The following SLC41A2 variants were observed in gnomAD, a reference collection of about 807,000 sequenced individuals.
The protein encoded by SLC41A2 is solute carrier family 41 member 2.
In SLC41A2, 32 loss-of-function variants were observed where a neutral mutation model predicts 58.3. The ratio of observed to expected loss-of-function variants is 0.55; its 90% CI spans 0.41 to 0.74. The LOEUF (loss-of-function observed/expected upper bound fraction) is 0.74, where lower values mean the gene tolerates loss of function less well. SLC41A2 is among the 30% of genes least tolerant of loss of function. The pLI, the probability that SLC41A2 is intolerant of heterozygous loss-of-function variation, is 0.00. For missense variants in SLC41A2, 514 were observed against 680.6 expected (o/e 0.76, Z 2.72); for synonymous variants, 190 against 235.0 (o/e 0.81, Z 1.75).
intron 8 of SLC41A2, among the ~76,000 whole-genome samples, chr12:104,855,547 G>C (rs1425466849): frequency 3.3e-5 from 5 of 152,084 alleles, no homozygotes; most frequent in Admixed American, 1.3e-4. Flanking sequence ...GCTCTTCTGG[G>C]ACATGTAATT....
At position 104,876,987 on chromosome 12, in the gene SLC41A2, C is replaced by T. The variant is rs76034568; in HGVS notation, c.1027+9306G>A. ...CTGATATTATGTGCATATATATTTA[C>T]AATTGTTATATCTTCTTGATGAATT... On this transcript the variant is annotated intron_variant, in intron 6 of 10. Coordinates refer to ENST00000258538, the MANE Select transcript of SLC41A2 (RefSeq NM_001352171.3). Among the ~76,000 whole-genome samples, 1,080 of 152,178 alleles carry T rather than the reference C, an allele frequency of 7.1e-3. 19 individuals are homozygous for T. The highest frequency in any genetic ancestry group is 0.023 in the African/African-American group (974 of 41,524).
intron 1 of SLC41A2, among the ~76,000 whole-genome samples, chr12:104,940,560 T>C (rs1456990008): frequency 6.8e-6 from 1 of 147,824 alleles, no homozygotes; most frequent in Admixed American, 6.7e-5. Flanking sequence ...ACCTCTAAAA[T>C]GGAATGAAAG....
intron 2 of SLC41A2, among the ~76,000 whole-genome samples, chr12:104,922,553 G>C (rs796552901): frequency 3.9e-5 from 6 of 152,220 alleles, no homozygotes; most frequent in African/African-American, 1.4e-4. Flanking sequence ...TAAAGAGAGA[G>C]AGATAGACTA....
At chr12:104,954,161 G>A (rs1392780642) in intron 1 of SLC41A2, among the ~76,000 whole-genome samples, 2 of 151,940 alleles carry the variant, frequency 1.3e-5, no homozygotes, top group African/African-American at 4.8e-5. Context: ...AATGTTCCAC[G>A]ATCTCATAAT....
chr12:104,849,828 TAGTA>T (rs367590425), intron 8 of SLC41A2, among the ~76,000 whole-genome samples: 4 of 152,200 alleles, frequency 2.6e-5, no homozygotes, highest in South Asian at 2.1e-4. Context: ...ACCCTATCTT[TAGTA>T]AGTAAGTAAG....
At chr12:104,824,237 G>A (rs1350044811) in intron 10 of SLC41A2, among the ~76,000 whole-genome samples, 1 of 151,812 alleles carries the variant, frequency 6.6e-6, no homozygotes, top group African/African-American at 2.4e-5. Context: ...CCCCCATCTT[G>A]TGCCTATAAA....
At chr12:104,813,831 T>C (rs1346085059) in intron 10 of SLC41A2, among the ~76,000 whole-genome samples, 1 of 152,124 alleles carries the variant, frequency 6.6e-6, no homozygotes, top group Admixed American at 6.6e-5. Flanking sequence ...ACATGGGGCT[T>C]CACCATGTTG....
Position 104,918,628 on chromosome 12 carries a change from G to GAAAAA in SLC41A2, c.556-8871_556-8867dup, listed in dbSNP as rs34865307. ...TTCATGTCTGTTGAAGGAGATACATGAAAAAAAAAAAAAAAAAAACTAAAA... is the reference window on the plus strand; with the variant it reads ...TTCATGTCTGTTGAAGGAGATACATGAAAAAAAAAAAAAAAAAAAAAAAACTAAAA... On this transcript the variant is annotated intron_variant, in intron 2 of 10. Coordinates refer to ENST00000258538, the MANE Select transcript of SLC41A2 (RefSeq NM_001352171.3). Among the ~76,000 whole-genome samples, 53 of 111,486 alleles carry GAAAAA rather than the reference G, an allele frequency of 4.8e-4. 1 individual carries two copies. Among genetic ancestry groups the GAAAAA allele is most frequent in the Admixed American group, 2.7e-3 (28 of 10,230 alleles). The allele number at this position is 111,486 out of a possible 152,430, so 73.1% of individuals were successfully genotyped here. A position where few individuals can be genotyped will look rare whatever the true frequency, so the allele number is the denominator to read the frequency against.
chr12:104,817,772 G>A (rs1183340032), intron 10 of SLC41A2, among the ~76,000 whole-genome samples: 1 of 151,308 alleles, frequency 6.6e-6, no homozygotes, highest in Admixed American at 6.6e-5. Context: ...CAGTGTAACT[G>A]GGACACACTA....
intron 10 of SLC41A2, among the ~76,000 whole-genome samples, chr12:104,828,856 T>A (rs1162209706): frequency 6.7e-6 from 1 of 149,642 alleles, no homozygotes; most frequent in Non-Finnish European, 1.5e-5. Flanking sequence ...AAAAAAAAAA[T>A]AGGCATAAGA....
intron 10 of SLC41A2, among the ~76,000 whole-genome samples, chr12:104,824,017 C>T (rs867710368): frequency 1.3e-5 from 2 of 152,172 alleles, no homozygotes; most frequent in African/African-American, 2.4e-5. Context: ...AACATTGATA[C>T]GGAAGTGCCA....
Position 104,802,135 on chromosome 12 carries a change from C to T in SLC41A2, c.*3017G>A, listed in dbSNP as rs1160879105. On this transcript the variant is annotated 3_prime_UTR_variant, in exon 11 of 11. Transcript: ENST00000258538. ...TGGACACCTACCAGAACACATATTA[C>T]CATAAGTTTCCATTTTATCAGGTTC... is the stretch of plus-strand genomic sequence containing the variant. Among the ~76,000 whole-genome samples, 1 of 151,816 alleles carries T rather than the reference C, an allele frequency of 6.6e-6. No individual in the cohort carries two copies. Among genetic ancestry groups the T allele is most frequent in the Non-Finnish European group, 1.5e-5 (1 of 67,982 alleles).
intron 1 of SLC41A2, among the ~76,000 whole-genome samples, chr12:104,939,768 C>T (rs1323005084): frequency 1.3e-5 from 2 of 152,092 alleles, no homozygotes; most frequent in East Asian, 1.9e-4. Context: ...AGTTTTAATG[C>T]AATCTATTAC....
At chr12:104,935,570 A>C (rs1335765380) in intron 1 of SLC41A2, among the ~76,000 whole-genome samples, 2 of 152,204 alleles carry the variant, frequency 1.3e-5, no homozygotes, top group East Asian at 3.8e-4. Flanking sequence ...TCCTGGATTA[A>C]ATTGGATGTA....
At chr12:104,947,776 G>A (rs982400467) in intron 1 of SLC41A2, among the ~76,000 whole-genome samples, 8 of 152,120 alleles carry the variant, frequency 5.3e-5, no homozygotes, top group African/African-American at 1.9e-4. Context: ...AGTTGGATAA[G>A]GAACTAGCCC....
At chr12:104,821,827 C>T (rs1275447434) in intron 10 of SLC41A2, among the ~76,000 whole-genome samples, 2 of 152,168 alleles carry the variant, frequency 1.3e-5, no homozygotes, top group African/African-American at 4.8e-5. Flanking sequence ...TTTGAGCTGA[C>T]AGGTTAAGTG....
At chr12:104,932,808 G>T (rs760809493) in intron 1 of SLC41A2, among the ~76,000 whole-genome samples, 5 of 151,814 alleles carry the variant, frequency 3.3e-5, no homozygotes, top group African/African-American at 1.2e-4. Context: ...AATAAACAGC[G>T]CTGAGAAAAT....
At chr12:104,914,162 T>C (rs1200328465) in intron 2 of SLC41A2, among the ~76,000 whole-genome samples, 2 of 152,226 alleles carry the variant, frequency 1.3e-5, no homozygotes, top group African/African-American at 2.4e-5. Flanking sequence ...AATATTTTCA[T>C]AGCATCCTTA....
chr12:104,919,909 A>AT (rs2046511953), intron 2 of SLC41A2, among the ~76,000 whole-genome samples: 2 of 151,644 alleles, frequency 1.3e-5, no homozygotes, highest in African/African-American at 4.9e-5. Flanking sequence ...AAATCCTGAG[A>AT]TTTTCTCCTG....
Sources: allele counts gnomAD v4.1 joint callset (sites outside exome capture counted in the v4.1 genomes callset), GRCh38; gene constraint gnomAD v4.1.1; transcripts MANE v1.5; gene names NCBI Gene and HGNC (gene_info 2026-07-23, HGNC 2026-07-21).